The following ATP10D variants were observed in gnomAD, a reference collection of about 807,000 sequenced individuals.
The protein encoded by ATP10D is ATPase phospholipid transporting 10D (putative).
Under a neutral mutation model 144.8 loss-of-function variants are expected in ATP10D, and 89 were observed. The observed-to-expected ratio is 0.61, with a 90% CI of 0.52 to 0.73. The LOEUF is 0.73. Ranked by LOEUF, ATP10D falls within the 30% of genes least tolerant of loss-of-function variation. The pLI is 0.00. For missense variants in ATP10D, 1,603 were observed against 1,714.8 expected, an observed-to-expected ratio of 0.93 and a Z score of 1.15; for synonymous variants, 571 against 615.1, an observed-to-expected ratio of 0.93 and a Z score of 1.06.
chr4:47,563,999 A>G (rs1719463522), intron 15 of ATP10D, among the ~76,000 whole-genome samples: 1 of 152,114 alleles, frequency 6.6e-6, no homozygotes, highest in Admixed American at 6.5e-5. Flanking sequence ...GATTCAAGCA[A>G]TTCTGCTTCA....
At chr4:47,519,767 T>G (rs1012400586) in intron 3 of ATP10D, among the ~76,000 whole-genome samples, 2 of 152,180 alleles carry the variant, frequency 1.3e-5, no homozygotes, top group African/African-American at 4.8e-5. Flanking sequence ...TTTGCCCCCA[T>G]AGTAGCCTGT....
In ATP10D at chr4:47,536,776, G is replaced by GA. The variant is rs1440513677; in HGVS notation, c.1240dup (p.Met414AsnfsTer26). On this transcript the variant is annotated frameshift_variant, in exon 9 of 23. Coordinates refer to ENST00000273859, the MANE Select transcript of ATP10D (RefSeq NM_020453.4). LOFTEE classifies it high-confidence loss of function. ...TCAAAGTGATGTGGATTTCTACAAT[G>GA]AAAAAATGGATTCTATTGTTCAGTG... 1.9e-6 allele frequency: 3 copies of GA among 1,613,122 alleles called. No homozygotes were observed. The highest frequency in any genetic ancestry group is 2.5e-6 in the Non-Finnish European group (3 of 1,179,564).
intron 9 of ATP10D, among the ~76,000 whole-genome samples, chr4:47,542,661 T>G (rs1000462179): frequency 1.3e-5 from 2 of 151,872 alleles, no homozygotes; most frequent in Non-Finnish European, 2.9e-5. Flanking sequence ...GTATTTTTAG[T>G]AGAGATGGGG....
At position 47,515,734 on chromosome 4, in the gene ATP10D, A is replaced by G; in HGVS notation, c.485+64A>G. On this transcript the variant is annotated intron_variant, in intron 3 of 22. Coordinates refer to ENST00000273859, the MANE Select transcript of ATP10D (RefSeq NM_020453.4). ...ATCATTGAGAAATATGCAGAATGTT[A>G]CTTTTTTCTCCTTAGGTGTGACCAG... is the stretch of plus-strand genomic sequence containing the variant. 3.7e-6 allele frequency: 5 copies of G among 1,336,468 alleles called. No homozygotes were observed. The South Asian group carries it at 7.0e-5, about 19-fold the overall frequency. 82.8% of individuals were successfully genotyped at this position (1,336,468 alleles called of 1,614,324 possible).
chr4:47,553,708 C>T (rs1311202426), intron 10 of ATP10D, among the ~76,000 whole-genome samples: 2 of 152,230 alleles, frequency 1.3e-5, no homozygotes, highest in African/African-American at 2.4e-5. Flanking sequence ...AACCTAAACC[C>T]ATATGGTTTC....
At chr4:47,543,851 A>G (rs1011706481) in intron 9 of ATP10D, among the ~76,000 whole-genome samples, 1 of 152,062 alleles carries the variant, frequency 6.6e-6, no homozygotes, top group Non-Finnish European at 1.5e-5. Flanking sequence ...ACACACACAC[A>G]CATATATATA....
chr4:47,532,148 G>A (rs1192972894), intron 5 of ATP10D, among the ~76,000 whole-genome samples: 1 of 152,060 alleles, frequency 6.6e-6, no homozygotes, highest in Non-Finnish European at 1.5e-5. Context: ...TGGAGCCATG[G>A]CCTACTTTTG....
chr4:47,561,116 G>T (rs964247392), intron 14 of ATP10D, 41 bp downstream of exon 14: 41 of 1,608,456 alleles, frequency 2.5e-5, no homozygotes, highest in Non-Finnish European at 3.4e-5. Flanking sequence ...GGAGGATTTT[G>T]AAAAACACTG....
chr4:47,583,376 T>C (rs1340192449), intron 21 of ATP10D: 3 of 152,202 alleles, frequency 2.0e-5, no homozygotes, highest in Non-Finnish European at 4.4e-5. Context: ...AAATAGGAAA[T>C]AGCTGAATAA....
intron 9 of ATP10D, among the ~76,000 whole-genome samples, chr4:47,544,573 T>A (rs1718316446): frequency 6.6e-6 from 1 of 152,160 alleles, no homozygotes; most frequent in South Asian, 2.1e-4. Flanking sequence ...GATCTTAAAG[T>A]CACCGAATCC....
chr4:47,568,814 C>T (rs1719778373), intron 15 of ATP10D, 23 bp from the exon 16 acceptor site: 5 of 1,594,974 alleles, frequency 3.1e-6, no homozygotes, highest in Non-Finnish European at 4.3e-6. Flanking sequence ...TGGAGGCTAA[C>T]CACCTTTGCC....
At chr4:47,522,716 C>T (rs1219101840) in intron 3 of ATP10D, among the ~76,000 whole-genome samples, 5 of 152,154 alleles carry the variant, frequency 3.3e-5, no homozygotes, top group Non-Finnish European at 5.9e-5. Flanking sequence ...ATTGCAAGTG[C>T]GTGCCACCAT....
chr4:47,542,541 G>A (rs376459834), intron 9 of ATP10D, among the ~76,000 whole-genome samples: 6 of 152,074 alleles, frequency 3.9e-5, no homozygotes, highest in Admixed American at 2.0e-4. Flanking sequence ...GAAGTGGTGC[G>A]ATCTTGGCTC....
chr4:47,530,060 T>A (rs1448684760), intron 5 of ATP10D, among the ~76,000 whole-genome samples: 1 of 152,172 alleles, frequency 6.6e-6, no homozygotes, highest in African/African-American at 2.4e-5. Flanking sequence ...TCTTTAGGGT[T>A]TTCTAGGTAT....
At chr4:47,540,396 G>A (rs1050818408) in intron 9 of ATP10D, among the ~76,000 whole-genome samples, 1 of 152,068 alleles carries the variant, frequency 6.6e-6, no homozygotes, top group African/African-American at 2.4e-5. Context: ...AGCAACACCC[G>A]GGCATGCTTT....
At chr4:47,549,234 T>A (rs1718601544) in intron 10 of ATP10D, among the ~76,000 whole-genome samples, 1 of 152,256 alleles carries the variant, frequency 6.6e-6, no homozygotes, top group African/African-American at 2.4e-5. Flanking sequence ...AATGCTCTTC[T>A]CTTAGATCTT....
At chr4:47,504,409 A>T (rs574755391) in intron 1 of ATP10D, among the ~76,000 whole-genome samples, 33 of 152,294 alleles carry the variant, frequency 2.2e-4, no homozygotes, top group African/African-American at 7.7e-4. Flanking sequence ...ATGACCTATG[A>T]GGTAAGGAAT....
At chr4:47,561,521 A>G (rs562328587) in intron 14 of ATP10D, among the ~76,000 whole-genome samples, 2 of 152,296 alleles carry the variant, frequency 1.3e-5, no homozygotes, top group South Asian at 4.1e-4. Flanking sequence ...GTTCAAGGTC[A>G]CATGCCAGTA....
chr4:47,512,394 G>A (rs1029610954), intron 1 of ATP10D, 110 bp from the exon 2 acceptor site: 3 of 687,110 alleles, frequency 4.4e-6, no homozygotes, highest in African/African-American at 1.8e-5. Context: ...TCCCTTACAT[G>A]TTGAACCATT....
Sources: gnomAD v4.1 joint callset for allele counts (sites outside exome capture counted in the v4.1 genomes callset) on GRCh38, gnomAD v4.1.1 for gene constraint, MANE v1.5 for transcripts, NCBI Gene and HGNC (gene_info 2026-07-23, HGNC 2026-07-21) for gene names.